Variants in RGS6 observed in about 807,000 individuals in gnomAD.
RGS6 encodes the protein regulator of G protein signaling 6.
RGS6 carries 30 observed loss-of-function variants against 78.5 expected under a neutral mutation model. The observed-to-expected ratio is 0.38, with a 90% CI of 0.29 to 0.52. The LOEUF (loss-of-function observed/expected upper bound fraction) is 0.52. RGS6 is among the 20% of genes least tolerant of loss of function. RGS6 has a pLI of 0.85. For missense variants in RGS6, 495 were observed against 609.7 expected (o/e 0.81, Z 1.98); for synonymous variants, 206 against 206.0 (o/e 1.00, Z 0.00).
chr14:71,915,284 G>T, the RGS6 span, among the ~76,000 whole-genome samples: 1 of 151,940 alleles, frequency 6.6e-6, no homozygotes, highest in Admixed American at 6.6e-5. Flanking sequence ...AGTTCAACTT[G>T]GAGGAGAGTA....
At chr14:72,165,768 A>C (rs1287831529) in intron 2 of RGS6, among the ~76,000 whole-genome samples, 1 of 152,100 alleles carries the variant, frequency 6.6e-6, no homozygotes, top group Non-Finnish European at 1.5e-5. Context: ...TTTTGCTCGG[A>C]ATCATTCTTT....
At chr14:72,572,808 A>G in the RGS6 span, among the ~76,000 whole-genome samples, 1 of 151,904 alleles carries the variant, frequency 6.6e-6, no homozygotes, top group African/African-American at 2.4e-5. Flanking sequence ...ATTGTATGGT[A>G]TGTGAATTAC....
intron 3 of RGS6, among the ~76,000 whole-genome samples, chr14:72,433,809 C>G (rs1277844814): frequency 6.6e-6 from 1 of 152,308 alleles, no homozygotes; most frequent in African/African-American, 2.4e-5. Context: ...CTCTCTCTGC[C>G]TCACTTTCTT....
chr14:72,224,875 G>A (rs558359567), intron 2 of RGS6, among the ~76,000 whole-genome samples: 1 of 152,160 alleles, frequency 6.6e-6, no homozygotes, highest in Non-Finnish European at 1.5e-5. Context: ...ATAGCAAGCA[G>A]GGAAAGGCCA....
chr14:72,179,040 C>A (rs2097141275), intron 2 of RGS6, among the ~76,000 whole-genome samples: 1 of 152,156 alleles, frequency 6.6e-6, no homozygotes, highest in Admixed American at 6.5e-5. Context: ...CTAAGAATAT[C>A]TCAATCATAA....
chr14:72,122,573 TC>T (rs1316756677), intron 2 of RGS6, among the ~76,000 whole-genome samples: 1 of 152,126 alleles, frequency 6.6e-6, no homozygotes, highest in Non-Finnish European at 1.5e-5. Flanking sequence ...TTCCCATCTC[TC>T]CCTAGTGAAA....
chr14:72,346,236 T>A (rs2078020020), intron 2 of RGS6, among the ~76,000 whole-genome samples: 1 of 152,180 alleles, frequency 6.6e-6, no homozygotes, highest in South Asian at 2.1e-4. Context: ...GTTTTTAACA[T>A]CTCCACTGGG....
chr14:72,172,393 A>C (rs560217751), intron 2 of RGS6, among the ~76,000 whole-genome samples: 1 of 151,842 alleles, frequency 6.6e-6, no homozygotes, highest in African/African-American at 2.4e-5. Context: ...TGTTTGGGGG[A>C]TTACAAAAAT....
chr14:72,352,915 A>G (rs1157449480), intron 3 of RGS6, among the ~76,000 whole-genome samples: 1 of 152,190 alleles, frequency 6.6e-6, no homozygotes, highest in Non-Finnish European at 1.5e-5. Flanking sequence ...CAAGTAACCA[A>G]ATAAATTAAG....
At chr14:72,594,039 G>A in the RGS6 span, among the ~76,000 whole-genome samples, 1 of 152,084 alleles carries the variant, frequency 6.6e-6, no homozygotes, top group South Asian at 2.1e-4. Context: ...TTAACTCCCA[G>A]GACAGTCATT....
intron 2 of RGS6, among the ~76,000 whole-genome samples, chr14:72,212,738 T>C (rs1349843789): frequency 6.6e-6 from 1 of 152,122 alleles, no homozygotes; most frequent in Non-Finnish European, 1.5e-5. Flanking sequence ...TCTAGTCTTG[T>C]AGTTGGACAC....
At chr14:72,275,026 A>C (rs968932857) in intron 2 of RGS6, among the ~76,000 whole-genome samples, 20 of 152,148 alleles carry the variant, frequency 1.3e-4, no homozygotes, top group East Asian at 7.7e-4. Context: ...CCAGAGTGAA[A>C]GTTTGTCACC....
At position 72,517,490 on chromosome 14, in the gene RGS6, C is replaced by T. The variant is rs369080189; in HGVS notation, c.1092-861C>T. Among the ~76,000 whole-genome samples the T allele has an allele frequency of 1.1e-3, 173 of 152,084 alleles. 3 individuals carry two copies. The South Asian group carries it at 0.021, about 18-fold the overall frequency. ...CAGAAAAGAGCTCACTGCTCCCATG[C>T]GGATGCTGAGGGATTAAACAGAGGC... is the stretch of plus-strand genomic sequence containing the variant. On this transcript the variant is annotated intron_variant, in intron 14 of 17. Transcript: ENST00000553525.
intron 2 of RGS6, among the ~76,000 whole-genome samples, chr14:72,329,119 C>T (rs1477233241): frequency 6.6e-6 from 1 of 152,218 alleles, no homozygotes; most frequent in African/African-American, 2.4e-5. Context: ...GGTGATCCAC[C>T]CACCTCAGCC....
At chr14:72,450,795 G>C (rs1433647880) in intron 3 of RGS6, among the ~76,000 whole-genome samples, 1 of 152,196 alleles carries the variant, frequency 6.6e-6, no homozygotes, top group Non-Finnish European at 1.5e-5. Context: ...AGGAAGGAAA[G>C]AGGCAAGAAA....
the RGS6 span, among the ~76,000 whole-genome samples, chr14:72,600,349 C>T: frequency 2.8e-5 from 4 of 142,658 alleles, no homozygotes; most frequent in Non-Finnish European, 6.2e-5. Context: ...TCCTCTCTGT[C>T]CCCAGCGCTA....
chr14:71,913,234 C>G, the RGS6 span, among the ~76,000 whole-genome samples: 5 of 152,202 alleles, frequency 3.3e-5, no homozygotes, highest in Non-Finnish European at 5.9e-5. Context: ...TTACCCACTA[C>G]ATATGCATCT....
chr14:72,318,481 G>A (rs945965383), intron 2 of RGS6, among the ~76,000 whole-genome samples: 2 of 152,036 alleles, frequency 1.3e-5, no homozygotes, highest in Admixed American at 6.6e-5. Flanking sequence ...CTCAGTATTA[G>A]CCCTCACAAT....
intron 1 of RGS6, among the ~76,000 whole-genome samples, chr14:71,942,836 G>A (rs1055569596): frequency 3.9e-5 from 6 of 151,964 alleles, no homozygotes; most frequent in African/African-American, 1.2e-4. Context: ...CAAAAAAAGT[G>A]TAAATATTTG....
Sources: gnomAD v4.1 joint callset for allele counts (sites outside exome capture counted in the v4.1 genomes callset) on GRCh38, gnomAD v4.1.1 for gene constraint, MANE v1.5 for transcripts, NCBI Gene and HGNC (gene_info 2026-07-23, HGNC 2026-07-21) for gene names.